ALPK2: variants seen among roughly 807,000 people sequenced by gnomAD.
ALPK2 encodes alpha-protein kinase 2.
In ALPK2, 127 loss-of-function variants were observed where a neutral mutation model predicts 163.1. The ratio of observed to expected loss-of-function variants is 0.78; its 90% CI spans 0.67 to 0.90. The LOEUF is 0.90. Among genes scored for constraint, ALPK2 ranks in the 40% least tolerant of loss-of-function variants. ALPK2 has a pLI of 0.00. For missense variants in ALPK2, 2,360 were observed against 2,589.6 expected (o/e 0.91, Z 1.92); for synonymous variants, 953 against 959.1 (o/e 0.99, Z 0.12).
intron 3 of ALPK2, among the ~76,000 whole-genome samples, chr18:58,602,968 T>C (rs1301841031): frequency 6.6e-6 from 1 of 152,200 alleles, no homozygotes; most frequent in African/African-American, 2.4e-5. Context: ...CATTTAGAAG[T>C]TACCCTATAT....
At chr18:58,508,401 T>C (rs374738985) in intron 10 of ALPK2, among the ~76,000 whole-genome samples, 1 of 152,172 alleles carries the variant, frequency 6.6e-6, no homozygotes, top group East Asian at 1.9e-4. Flanking sequence ...CATTCCCTGA[T>C]GGTTAAGGCA....
At chr18:58,585,100 G>C (rs1348845511) in intron 3 of ALPK2, among the ~76,000 whole-genome samples, 1 of 152,160 alleles carries the variant, frequency 6.6e-6, no homozygotes, top group Non-Finnish European at 1.5e-5. Context: ...AGAGGTCCAT[G>C]TTACCTTGAA....
chr18:58,514,255 G>C (rs1293260726), intron 10 of ALPK2, among the ~76,000 whole-genome samples: 32 of 152,206 alleles, frequency 2.1e-4, no homozygotes, highest in Admixed American at 2.1e-3. Flanking sequence ...CCCATTTTGT[G>C]AGTTAACAGG....
Position 58,578,806 on chromosome 18 carries a change from A to G in ALPK2, c.1962+8T>C. 6.2e-7 allele frequency: 1 copy of G among 1,601,216 alleles called. No homozygotes were observed. Among genetic ancestry groups the G allele is most frequent in the East Asian group, 2.2e-5 (1 of 44,708 alleles). On this transcript the variant is annotated splice_region_variant and intron_variant, in intron 4 of 12. Coordinates refer to ENST00000361673, the MANE Select transcript of ALPK2 (RefSeq NM_052947.4). ...TATCTCGTAATTTCTTTAAAAGAAA[A>G]GTCTTACCTGAGGAGGATCACTCCA...
At chr18:58,622,014 A>G (rs1445135424) in intron 1 of ALPK2, among the ~76,000 whole-genome samples, 1 of 146,628 alleles carries the variant, frequency 6.8e-6, no homozygotes, top group Non-Finnish European at 1.5e-5. Flanking sequence ...AATCTTTATG[A>G]GAGGGCTTAA....
At chr18:58,575,295 A>G (rs2051914036) in intron 4 of ALPK2, among the ~76,000 whole-genome samples, 1 of 152,226 alleles carries the variant, frequency 6.6e-6, no homozygotes, top group East Asian at 1.9e-4. Flanking sequence ...TATCCAGTCA[A>G]TAATTGATTG....
At chr18:58,531,572 C>T (rs1371044255) in intron 5 of ALPK2, among the ~76,000 whole-genome samples, 2 of 139,624 alleles carry the variant, frequency 1.4e-5, no homozygotes, top group East Asian at 2.2e-4. Context: ...TTTGAGTGCT[C>T]AATGGTGGAG....
At chr18:58,498,119 A>T (rs1252501585) in intron 11 of ALPK2, 22 bp from the exon 12 acceptor site, 2 of 1,613,846 alleles carry the variant, frequency 1.2e-6, no homozygotes, top group Non-Finnish European at 1.7e-6. Flanking sequence ...GAAAGCAAAG[A>T]TGGGAGTTTG....
At chr18:58,544,527 T>C (rs2051707601) in intron 4 of ALPK2, 1 of 152,204 alleles carries the variant, frequency 6.6e-6, no homozygotes, top group South Asian at 2.1e-4. Flanking sequence ...AGACAAGATG[T>C]ACATGGAAAA....
chr18:58,554,960 T>C (rs1002467789), intron 4 of ALPK2, among the ~76,000 whole-genome samples: 3 of 152,198 alleles, frequency 2.0e-5, no homozygotes, highest in Admixed American at 1.3e-4. Context: ...CCCTCTCTTA[T>C]TGCCGCCATG....
chr18:58,613,762 C>T (rs187901407), intron 1 of ALPK2, among the ~76,000 whole-genome samples: 1,614 of 150,672 alleles, frequency 0.011, 33 homozygotes, highest in African/African-American at 0.038. Flanking sequence ...AAAGACGGCA[C>T]CCTTCTGGGC....
chr18:58,519,482 C>G (rs1328040975), intron 8 of ALPK2, among the ~76,000 whole-genome samples: 2 of 151,912 alleles, frequency 1.3e-5, no homozygotes, highest in Non-Finnish European at 2.9e-5. Flanking sequence ...GCTTGTGCAC[C>G]CTATGCTTTA....
At chr18:58,623,510 C>T (rs182760588) in intron 1 of ALPK2, among the ~76,000 whole-genome samples, 7 of 151,930 alleles carry the variant, frequency 4.6e-5, no homozygotes, top group Non-Finnish European at 5.9e-5. Context: ...TCTTTCACCC[C>T]GCTGGAGTGC....
Position 58,580,556 on chromosome 18 carries a change from G to T in ALPK2, c.228-8C>A, listed in dbSNP as rs539914318. The T allele has an allele frequency of 6.2e-6, 10 of 1,608,902 alleles. No homozygotes were observed. The highest frequency in any genetic ancestry group is 8.5e-6 in the Non-Finnish European group (10 of 1,177,206). Reference sequence around the variant, plus strand: ...GCATCATTTTTGGTACAGCTAGGATGAAGAGAATATATAGATAAGTTTGCC... The same window carrying T: ...GCATCATTTTTGGTACAGCTAGGATTAAGAGAATATATAGATAAGTTTGCC... On this transcript the variant is annotated splice_region_variant and splice_polypyrimidine_tract_variant and intron_variant, in intron 3 of 12. Transcript: ENST00000361673.
At chr18:58,573,674 G>T (rs1431648696) in intron 4 of ALPK2, among the ~76,000 whole-genome samples, 1 of 140,808 alleles carries the variant, frequency 7.1e-6, no homozygotes. Context: ...TTCTCAGAGA[G>T]GGGGATGTGG....
intron 4 of ALPK2, among the ~76,000 whole-genome samples, chr18:58,569,852 T>C (rs1370829840): frequency 6.7e-6 from 1 of 149,846 alleles, no homozygotes; most frequent in Non-Finnish European, 1.5e-5. Flanking sequence ...CCCTTCTGGC[T>C]GGGCGCGGTG....
intron 3 of ALPK2, among the ~76,000 whole-genome samples, chr18:58,584,795 G>A (rs1470609907): frequency 6.6e-6 from 1 of 152,156 alleles, no homozygotes; most frequent in East Asian, 1.9e-4. Context: ...CAGACTGGAT[G>A]GGAAAAAGGA....
Position 58,611,674 on chromosome 18 carries a change from T to A in ALPK2, c.109+15A>T. Reference sequence around the variant, plus strand: ...GAGATTTTAGAGGGTGATTAGCTAGTCTAGTGATGGTTACCAGATATTATG... The same window carrying A: ...GAGATTTTAGAGGGTGATTAGCTAGACTAGTGATGGTTACCAGATATTATG... On this transcript the variant is annotated intron_variant, in intron 2 of 12. Coordinates refer to ENST00000361673, the MANE Select transcript of ALPK2 (RefSeq NM_052947.4). 1 of 1,605,552 alleles carries A rather than the reference T, an allele frequency of 6.2e-7. No homozygotes were observed. The highest frequency in any genetic ancestry group is 8.5e-7 in the Non-Finnish European group (1 of 1,173,588).
At chr18:58,573,216 A>ATATATATGTGTATATGTGTG (rs1183184960) in intron 4 of ALPK2, among the ~76,000 whole-genome samples, 1 of 34,588 alleles carries the variant, frequency 2.9e-5, no homozygotes, top group African/African-American at 1.0e-4. Context: ...GTATATATGT[A>ATATATATGTGTATATGTGTG]TATATATGTG....
Sources: allele counts gnomAD v4.1 joint callset (sites outside exome capture counted in the v4.1 genomes callset), GRCh38; gene constraint gnomAD v4.1.1; transcripts MANE v1.5; gene names NCBI Gene and HGNC (gene_info 2026-07-23, HGNC 2026-07-21).